EML1: variants seen among roughly 807,000 people sequenced by gnomAD.
EML1 encodes echinoderm microtubule-associated protein-like 1.
Under a neutral mutation model 110.4 loss-of-function variants are expected in EML1, and 27 were observed. The observed-to-expected ratio is 0.24, with a 90% CI of 0.18 to 0.34. EML1 has a LOEUF of 0.34. Ranked by LOEUF, EML1 falls within the 10% of genes least tolerant of loss-of-function variation. The pLI is 1.00. For synonymous variants in EML1, 344 were observed against 385.8 expected, an observed-to-expected ratio of 0.89 and a Z score of 1.27; for missense variants, 741 against 1,030.9, an observed-to-expected ratio of 0.72 and a Z score of 3.85.
chr14:99,920,762 C>A, intron 16 of EML1, 27 bp from the exon 17 acceptor site: 1 of 1,577,588 alleles, frequency 6.3e-7, no homozygotes, highest in Non-Finnish European at 8.7e-7. Context: ...AAACAACTTA[C>A]TGTGCTTTTT....
At chr14:99,738,938 G>A (rs950017730) in intron 1 of EML1, among the ~76,000 whole-genome samples, 1 of 152,110 alleles carries the variant, frequency 6.6e-6, no homozygotes, top group Non-Finnish European at 1.5e-5. Context: ...AACTCATCAG[G>A]GTCTCCTGGG....
intron 1 of EML1, among the ~76,000 whole-genome samples, chr14:99,812,112 TTGGTATTCA>T (rs2058089931): frequency 6.6e-6 from 1 of 151,914 alleles, no homozygotes; most frequent in African/African-American, 2.4e-5. Flanking sequence ...CTAAGCCCCC[TTGGTATTCA>T]TTCATCTTTG....
At chr14:99,861,186 T>C (rs1290483255) in intron 2 of EML1, among the ~76,000 whole-genome samples, 1 of 152,210 alleles carries the variant, frequency 6.6e-6, no homozygotes, top group Non-Finnish European at 1.5e-5. Flanking sequence ...CTCCCTTCTG[T>C]GTGTAGGCCT....
At chr14:99,909,604 G>GGTAATAACT in intron 11 of EML1, 125 bp downstream of exon 11, 1 of 1,231,494 alleles carries the variant, frequency 8.1e-7, no homozygotes, top group East Asian at 2.4e-5. Flanking sequence ...TGGGAAGCGT[G>GGTAATAACT]TCACACCTGG....
Position 99,931,926 on chromosome 14 carries a change from G to A in EML1, c.1910-4103G>A, listed in dbSNP as rs537492689. ...CGGGAGAGTCATTTTGAGGTTTTTCGTGGTGGTTATGTCGGGGGCCAGGGG... is the reference window on the plus strand; with the variant it reads ...CGGGAGAGTCATTTTGAGGTTTTTCATGGTGGTTATGTCGGGGGCCAGGGG... On this transcript the variant is annotated intron_variant, in intron 17 of 21. Coordinates refer to ENST00000262233, the MANE Select transcript of EML1 (RefSeq NM_004434.3). Among the ~76,000 whole-genome samples, 16 of 152,296 alleles carry A rather than the reference G, an allele frequency of 1.1e-4. No homozygotes were observed. In the South Asian group the frequency reaches 1.5e-3, roughly 14 times the overall value.
chr14:99,824,552 C>T (rs145852843), intron 1 of EML1, among the ~76,000 whole-genome samples: 225 of 149,556 alleles, frequency 1.5e-3, no homozygotes, highest in African/African-American at 4.7e-3. Flanking sequence ...GGCCTCAACA[C>T]AGTAAGTAGC....
chr14:99,852,537 C>T (rs2058828012), intron 2 of EML1, among the ~76,000 whole-genome samples: 1 of 152,168 alleles, frequency 6.6e-6, no homozygotes, highest in Non-Finnish European at 1.5e-5. Flanking sequence ...ATTGCTTGAG[C>T]CTAGGAGGCC....
At chr14:99,893,464 G>A (rs191963402) in intron 5 of EML1, among the ~76,000 whole-genome samples, 3 of 152,284 alleles carry the variant, frequency 2.0e-5, no homozygotes, top group East Asian at 1.9e-4. Context: ...CTCACTCAAC[G>A]TCAGCCTTAA....
Position 99,936,304 on chromosome 14 carries a change from T to G in EML1, c.2065T>G (p.Ser689Ala). The G allele has an allele frequency of 1.2e-6, 2 of 1,613,888 alleles. No homozygotes were observed. The highest frequency in any genetic ancestry group is 2.2e-5 in the South Asian group (2 of 91,060). Reference protein sequence around the residue: ...DWSVNSQFLVSNSGDYEILYW... With the variant: ...DWSVNSQFLVANSGDYEILYW... ...GTCTGTAAACTCACAGTTCCTCGTG[T>G]CAAATTCCGGAGACTACGAAATCCT... The change falls in exon 19 of 22, where the codon TCA (serine) becomes GCA (alanine). Residue 689 changes from serine to alanine, a missense_variant. By Grantham distance (99) the Ser-to-Ala change is moderately conservative. Around this residue, in one of 4 missense-constraint regions of EML1, gnomAD observed 388 missense variants for 605.6 expected, o/e 0.64. Transcript: ENST00000262233. The surrounding 1 kb of genome is among the most constrained non-coding windows in gnomAD (Gnocchi z 5.5).
intron 1 of EML1, among the ~76,000 whole-genome samples, chr14:99,775,448 G>A (rs959660566): frequency 3.3e-5 from 5 of 152,212 alleles, no homozygotes; most frequent in African/African-American, 1.2e-4. Context: ...AGTGGGAAGG[G>A]ACAGTCAAGA....
intron 4 of EML1, among the ~76,000 whole-genome samples, chr14:99,889,509 T>G (rs1421442191): frequency 6.6e-6 from 1 of 151,932 alleles, no homozygotes; most frequent in Non-Finnish European, 1.5e-5. Context: ...ATAAGTGCTA[T>G]AGAGAAAAAT....
intron 1 of EML1, among the ~76,000 whole-genome samples, chr14:99,744,376 G>A (rs1394628370): frequency 6.6e-6 from 1 of 152,130 alleles, no homozygotes; most frequent in Non-Finnish European, 1.5e-5. Flanking sequence ...CACAGCACCA[G>A]TTAAATGCAC....
At chr14:99,861,259 C>T (rs915098765) in intron 2 of EML1, among the ~76,000 whole-genome samples, 1 of 152,162 alleles carries the variant, frequency 6.6e-6, no homozygotes, top group African/African-American at 2.4e-5. Context: ...TTGGATTTAG[C>T]GTTCCAAGTG....
intron 1 of EML1, among the ~76,000 whole-genome samples, chr14:99,753,218 C>A (rs1413374399): frequency 2.1e-5 from 3 of 140,596 alleles, no homozygotes; most frequent in Admixed American, 1.4e-4. Flanking sequence ...CCCCCCCACC[C>A]CCCACTGCCC....
At chr14:99,738,951 G>T (rs1004818312) in intron 1 of EML1, among the ~76,000 whole-genome samples, 1 of 152,174 alleles carries the variant, frequency 6.6e-6, no homozygotes, top group African/African-American at 2.4e-5. Flanking sequence ...CTCCTGGGGG[G>T]TGTGGGGCAG....
intron 1 of EML1, among the ~76,000 whole-genome samples, chr14:99,804,300 G>A (rs1461110384): frequency 6.6e-6 from 1 of 152,238 alleles, no homozygotes; most frequent in African/African-American, 2.4e-5. Flanking sequence ...ATTCATGCGT[G>A]TATGTGTGTG....
At chr14:99,873,339 T>C (rs2059236003) in intron 3 of EML1, among the ~76,000 whole-genome samples, 1 of 152,198 alleles carries the variant, frequency 6.6e-6, no homozygotes. Context: ...TTTGGAAAAA[T>C]AGTTCCACTT....
chr14:99,882,823 G>GAA (rs112821117), intron 4 of EML1, among the ~76,000 whole-genome samples: 1 of 143,304 alleles, frequency 7.0e-6, no homozygotes, highest in South Asian at 2.2e-4. Flanking sequence ...CAACAAACAT[G>GAA]AAAAAAAAAA....
At chr14:99,903,052 C>T (rs2059787235) in intron 9 of EML1, among the ~76,000 whole-genome samples, 1 of 152,146 alleles carries the variant, frequency 6.6e-6, no homozygotes, top group African/African-American at 2.4e-5. Flanking sequence ...ATTAAGAATA[C>T]TCACAAATAG....
Sources: allele counts gnomAD v4.1 joint callset (sites outside exome capture counted in the v4.1 genomes callset), GRCh38; gene constraint gnomAD v4.1.1; regional missense constraint gnomAD v4.1.1; non-coding constraint Gnocchi (gnomAD v3.1); transcripts MANE v1.5; gene names NCBI Gene and HGNC (gene_info 2026-07-23, HGNC 2026-07-21).